The following MYO3B variants were observed in gnomAD, a reference collection of about 807,000 sequenced individuals.
MYO3B encodes the protein myosin-IIIb.
In MYO3B, 156 loss-of-function variants were observed where a neutral mutation model predicts 174.6. The ratio of observed to expected loss-of-function variants is 0.89; its 90% CI spans 0.78 to 1.02. MYO3B has a LOEUF of 1.02. MYO3B is among the 50% of genes least tolerant of loss of function. The pLI is 0.00. For synonymous variants in MYO3B, 563 were observed against 569.1 expected, an observed-to-expected ratio of 0.99 and a Z score of 0.15; for missense variants, 1,632 against 1,639.4, an observed-to-expected ratio of 1.00 and a Z score of 0.08.
chr2:170,621,287 G>GT (rs754688462), intron 32 of MYO3B, among the ~76,000 whole-genome samples: 12 of 152,080 alleles, frequency 7.9e-5, no homozygotes, highest in Non-Finnish European at 1.6e-4. Context: ...TACTTCATAG[G>GT]TTTATTTTAT....
chr2:170,364,600 G>A (rs565228792), intron 8 of MYO3B, among the ~76,000 whole-genome samples: 2 of 152,294 alleles, frequency 1.3e-5, no homozygotes, highest in East Asian at 3.9e-4. Flanking sequence ...TACCTGAAAT[G>A]AATACGTTTC....
intron 7 of MYO3B, among the ~76,000 whole-genome samples, chr2:170,301,998 G>C (rs1476876521): frequency 2.7e-5 from 4 of 149,468 alleles, no homozygotes; most frequent in African/African-American, 9.9e-5. Context: ...ATAGGTAGGT[G>C]TTTGTGGGTT....
intron 13 of MYO3B, 61 bp from the exon 14 acceptor site, chr2:170,387,045 G>A (rs1397289347): frequency 1.3e-6 from 2 of 1,559,466 alleles, no homozygotes; most frequent in African/African-American, 1.4e-5. Context: ...GATGGTGCCT[G>A]GCAACTTTGC....
intron 25 of MYO3B, among the ~76,000 whole-genome samples, chr2:170,497,428 A>C (rs995835303): frequency 7.0e-6 from 1 of 142,752 alleles, no homozygotes; most frequent in South Asian, 2.2e-4. Context: ...CTTCCTGGCT[A>C]ACATGGTGAA....
At chr2:170,471,177 G>A (rs1282701390) in intron 25 of MYO3B, among the ~76,000 whole-genome samples, 1 of 152,034 alleles carries the variant, frequency 6.6e-6, no homozygotes, top group Non-Finnish European at 1.5e-5. Context: ...AGCCTCCGGA[G>A]TAGCTGGGAT....
chr2:170,263,341 T>C (rs1045947962), intron 7 of MYO3B, among the ~76,000 whole-genome samples: 2 of 152,178 alleles, frequency 1.3e-5, no homozygotes, highest in African/African-American at 2.4e-5. Context: ...TGTGGGTGTT[T>C]CTTGTCAGGT....
intron 32 of MYO3B, among the ~76,000 whole-genome samples, chr2:170,630,956 A>AGAGT (rs1233926905): frequency 7.9e-5 from 12 of 152,364 alleles, no homozygotes; most frequent in Middle Eastern, 3.4e-3. Context: ...GGAAGATACC[A>AGAGT]GAGTAGAAAA....
At chr2:170,182,602 C>T (rs1457442665) in intron 1 of MYO3B, among the ~76,000 whole-genome samples, 1 of 141,240 alleles carries the variant, frequency 7.1e-6, no homozygotes. Flanking sequence ...ATGTGTTTTT[C>T]TTTTTCTGTT....
chr2:170,443,420 A>T (rs1468472798), intron 22 of MYO3B, among the ~76,000 whole-genome samples: 3 of 151,840 alleles, frequency 2.0e-5, no homozygotes, highest in Non-Finnish European at 4.4e-5. Flanking sequence ...GATTGTAAAA[A>T]TTTTCTCCCA....
chr2:170,572,841 C>T (rs16858767), intron 32 of MYO3B, among the ~76,000 whole-genome samples: 9,490 of 152,144 alleles, frequency 0.062, 487 homozygotes, highest in East Asian at 0.25. Context: ...CGTGAATCTC[C>T]ACCTGGTTTC....
chr2:170,589,713 C>T (rs1263802249), intron 32 of MYO3B, among the ~76,000 whole-genome samples: 1 of 152,106 alleles, frequency 6.6e-6, no homozygotes, highest in Non-Finnish European at 1.5e-5. Flanking sequence ...TAAAAAGTTA[C>T]AGTAAGCTAA....
chr2:170,376,136 C>T (rs928056042), intron 9 of MYO3B, among the ~76,000 whole-genome samples: 7 of 152,046 alleles, frequency 4.6e-5, no homozygotes, highest in African/African-American at 1.4e-4. Flanking sequence ...CCAAACAATT[C>T]TCCTATTTTA....
At chr2:170,496,424 G>A (rs1489423588) in intron 25 of MYO3B, among the ~76,000 whole-genome samples, 2 of 151,930 alleles carry the variant, frequency 1.3e-5, no homozygotes, top group African/African-American at 4.8e-5. Context: ...CTCGTTTGAG[G>A]AATGGCAGGA....
chr2:170,285,000 T>G (rs2093543857), intron 7 of MYO3B, among the ~76,000 whole-genome samples: 1 of 152,236 alleles, frequency 6.6e-6, no homozygotes, highest in South Asian at 2.1e-4. Flanking sequence ...TTGCTAAACA[T>G]CATGTTTTGA....
chr2:170,230,908 G>T (rs922293796), intron 6 of MYO3B, among the ~76,000 whole-genome samples: 4 of 152,190 alleles, frequency 2.6e-5, no homozygotes, highest in African/African-American at 9.6e-5. Flanking sequence ...TTTTGTCAAA[G>T]TCACCCAGTG....
chr2:170,359,542 A>T (rs373944923), intron 8 of MYO3B, among the ~76,000 whole-genome samples: 1 of 152,202 alleles, frequency 6.6e-6, no homozygotes, highest in Non-Finnish European at 1.5e-5. Context: ...TTCTGAAAAG[A>T]TGTTCCAGCC....
intron 7 of MYO3B, among the ~76,000 whole-genome samples, chr2:170,279,048 C>T (rs2093485271): frequency 6.6e-6 from 1 of 152,006 alleles, no homozygotes. Context: ...TGTTGACAGA[C>T]ATTGAGGTTG....
chr2:170,595,343 A>G (rs1387191510), intron 32 of MYO3B, among the ~76,000 whole-genome samples: 1 of 152,098 alleles, frequency 6.6e-6, no homozygotes, highest in Non-Finnish European at 1.5e-5. Context: ...GATGAGGAAG[A>G]CTGAATTACG....
At chr2:170,631,063 G>A (rs1030736665) in intron 32 of MYO3B, among the ~76,000 whole-genome samples, 6 of 152,328 alleles carry the variant, frequency 3.9e-5, no homozygotes, top group South Asian at 4.1e-4. Context: ...TGACTTTGAC[G>A]AGTTGAGAGA....
Sources: allele counts gnomAD v4.1 joint callset (sites outside exome capture counted in the v4.1 genomes callset), GRCh38; gene constraint gnomAD v4.1.1; transcripts MANE v1.5; gene names NCBI Gene and HGNC (gene_info 2026-07-23, HGNC 2026-07-21).